ADAM22: variants seen among roughly 807,000 people sequenced by gnomAD.
ADAM22 encodes the protein disintegrin and metalloproteinase domain-containing protein 22.
Under a neutral mutation model 144.6 loss-of-function variants are expected in ADAM22, and 65 were observed. The observed-to-expected ratio is 0.45, with a 90% CI of 0.37 to 0.55. The LOEUF is 0.55. Among genes scored for constraint, ADAM22 ranks in the 20% least tolerant of loss-of-function variants. The probability of loss-of-function intolerance (pLI) is 0.00; values close to 1 mark genes in which losing one functional copy is unlikely to be tolerated. For missense variants in ADAM22, 974 were observed against 1,184.9 expected, an observed-to-expected ratio of 0.82 and a Z score of 2.61; for synonymous variants, 391 against 412.6, an observed-to-expected ratio of 0.95 and a Z score of 0.63.
At chr7:88,027,584 CT>C (rs373694240) in intron 3 of ADAM22, among the ~76,000 whole-genome samples, 144 of 151,954 alleles carry the variant, frequency 9.5e-4, no homozygotes, top group African/African-American at 3.2e-3. Flanking sequence ...ACTCTTTTCT[CT>C]TTTTTTTCCC....
At position 88,193,202 on chromosome 7, in the gene ADAM22, C is replaced by G; in HGVS notation, c.2837C>G (p.Pro946Arg). The G allele has an allele frequency of 6.2e-7, 1 of 1,614,074 alleles. No individual in the cohort carries two copies. Among genetic ancestry groups the G allele is most frequent in the Non-Finnish European group, 8.5e-7 (1 of 1,179,958 alleles). The change falls in exon 31 of 32, where the codon CCT becomes CGT. Residue 946 changes from proline (P) to arginine (R), a missense_variant. Pro to Arg is a moderately radical substitution (Grantham distance 103). This residue lies in a region of ADAM22 where 734 missense variants were observed against 950.6 expected (regional missense o/e 0.77). Transcript: ENST00000413139. ...TACCCTTACCCAATGCCTCCACTTC[C>G]TGATGAGGACAAGAAAGTGAACCGA... ...RKYPYPMPPL[P>R]DEDKKVNRQS...
At chr7:87,953,063 A>G (rs1381606935) in intron 2 of ADAM22, among the ~76,000 whole-genome samples, 2 of 150,708 alleles carry the variant, frequency 1.3e-5, no homozygotes, top group East Asian at 1.9e-4. Context: ...TGGTCTATCA[A>G]TTTTGTTGAT....
intron 7 of ADAM22, among the ~76,000 whole-genome samples, chr7:88,122,606 C>T (rs972260189): frequency 2.6e-5 from 4 of 152,122 alleles, no homozygotes; most frequent in Non-Finnish European, 1.5e-5. Flanking sequence ...TAAATCAGAT[C>T]CAGGTGTGGA....
intron 14 of ADAM22, 52 bp from the exon 15 acceptor site, chr7:88,142,974 C>T (rs1835239610): frequency 8.6e-7 from 1 of 1,158,572 alleles, no homozygotes; most frequent in Non-Finnish European, 1.3e-6. Flanking sequence ...CAGACATTCA[C>T]AAATGAGAAA....
At chr7:88,188,868 G>GT (rs1451041073) in intron 30 of ADAM22, among the ~76,000 whole-genome samples, 3 of 152,270 alleles carry the variant, frequency 2.0e-5, no homozygotes, top group Non-Finnish European at 2.9e-5. Flanking sequence ...TCACCTTATT[G>GT]TTTTTTGTAG....
At position 88,029,439 on chromosome 7, in the gene ADAM22, G is replaced by T. The variant is rs1799742252; in HGVS notation, c.324-46187G>T. On this transcript the variant is annotated intron_variant, in intron 3 of 31. Transcript: ENST00000413139. ...TATTGTACTGTCTGTATCTTGAAAA[G>T]TTATTGTAATTATTACTTTTAATCA... Among the ~76,000 whole-genome samples, 2 of 151,906 alleles carry T rather than the reference G, an allele frequency of 1.3e-5. 1 individual carries two copies. Among genetic ancestry groups the T allele is most frequent in the South Asian group, 4.2e-4 (2 of 4,808 alleles).
chr7:87,982,660 T>C (rs1406712824), intron 3 of ADAM22, among the ~76,000 whole-genome samples: 1 of 115,636 alleles, frequency 8.6e-6, no homozygotes, highest in African/African-American at 3.1e-5. Flanking sequence ...TTCATCAGAT[T>C]CAGTTATTAC....
intron 3 of ADAM22, among the ~76,000 whole-genome samples, chr7:88,014,013 TAAG>T (rs1053593117): frequency 6.6e-6 from 1 of 152,228 alleles, no homozygotes; most frequent in Non-Finnish European, 1.5e-5. Context: ...CCTCTCCTTC[TAAG>T]GAGTAACATC....
intron 30 of ADAM22, among the ~76,000 whole-genome samples, chr7:88,192,828 T>C (rs1586662808): frequency 6.6e-6 from 1 of 152,208 alleles, no homozygotes; most frequent in Non-Finnish European, 1.5e-5. Context: ...CCCTTCTGCA[T>C]TTTAGCTTTT....
intron 13 of ADAM22, among the ~76,000 whole-genome samples, chr7:88,135,580 G>T (rs1419898111): frequency 1.3e-5 from 2 of 152,118 alleles, no homozygotes; most frequent in African/African-American, 4.8e-5. Context: ...AGAAACCTTG[G>T]TGTGTGCAGA....
rs1337394073 is a variant in ADAM22 at position 88,094,004 on chromosome 7, A to G, written c.391-14172A>G. Among the ~76,000 whole-genome samples the G allele has an allele frequency of 2.6e-5, 4 of 152,330 alleles. No homozygotes were observed. The East Asian group carries it at 5.8e-4, about 22-fold the overall frequency. ...TTTACAGTGGAATAGAAAAAAAGCC[A>G]TAATTCTCAGATACTCAATGTGTGT... is the stretch of plus-strand genomic sequence containing the variant. On this transcript the variant is annotated intron_variant, in intron 4 of 31. Transcript: ENST00000413139.
chr7:88,077,262 T>C (rs539490586), intron 4 of ADAM22, among the ~76,000 whole-genome samples: 3 of 152,310 alleles, frequency 2.0e-5, no homozygotes, highest in Middle Eastern at 3.4e-3. Context: ...CTGAAGATAA[T>C]TGAGTTTTTC....
chr7:88,054,434 A>G (rs1807592837), intron 3 of ADAM22, among the ~76,000 whole-genome samples: 1 of 152,180 alleles, frequency 6.6e-6, no homozygotes, highest in African/African-American at 2.4e-5. Context: ...TCTGCCTATT[A>G]TGTGCCTGTT....
intron 26 of ADAM22, 38 bp downstream of exon 26, chr7:88,171,599 G>T: frequency 6.5e-7 from 1 of 1,539,594 alleles, no homozygotes; most frequent in Non-Finnish European, 8.7e-7. Context: ...AAACTGAAAG[G>T]TTTGACTCAT....
In ADAM22 at chr7:88,130,512, G is replaced by A. The variant is rs1831493589; in HGVS notation, c.825+53G>A. 8 of 1,509,186 alleles carry A rather than the reference G, an allele frequency of 5.3e-6. No individual in the cohort carries two copies. The Admixed American group carries it at 1.2e-4, about 23-fold the overall frequency. 93.5% of individuals were successfully genotyped at this position (1,509,186 alleles called of 1,614,324 possible). A position where few individuals can be genotyped will look rare whatever the true frequency, so the allele number is the denominator to read the frequency against. On this transcript the variant is annotated intron_variant, in intron 10 of 31. Coordinates refer to ENST00000413139, the MANE Select transcript of ADAM22 (RefSeq NM_001324418.2). Reference sequence around the variant, plus strand: ...CCTAGAAGATTCTTATTTCCTAATTGCTAATAGAATGGATAATATGATTCT... The same window carrying A: ...CCTAGAAGATTCTTATTTCCTAATTACTAATAGAATGGATAATATGATTCT...
intron 28 of ADAM22, 147 bp downstream of exon 28, chr7:88,181,752 T>TA: frequency 1.2e-6 from 1 of 823,650 alleles, no homozygotes; most frequent in South Asian, 1.8e-5. Context: ...GCCTAGTTTT[T>TA]ATCTGGATGG....
At chr7:88,131,458 TA>T in intron 11 of ADAM22, 23 bp downstream of exon 11, 1 of 1,607,610 alleles carries the variant, frequency 6.2e-7, no homozygotes, top group African/African-American at 1.3e-5. Flanking sequence ...TGTAATGATG[TA>T]TTACTTTTTT....
intron 3 of ADAM22, among the ~76,000 whole-genome samples, chr7:88,043,677 G>A (rs2129472432): frequency 6.6e-6 from 1 of 151,522 alleles, no homozygotes; most frequent in East Asian, 1.9e-4. Context: ...CTCCAACATG[G>A]GCAAGCCTGG....
chr7:87,999,300 T>C (rs540126860), intron 3 of ADAM22, among the ~76,000 whole-genome samples: 3 of 152,332 alleles, frequency 2.0e-5, no homozygotes, highest in African/African-American at 7.2e-5. Context: ...CAGTATACTA[T>C]TCACCTTATA....
Sources: allele counts gnomAD v4.1 joint callset (sites outside exome capture counted in the v4.1 genomes callset), GRCh38; gene constraint gnomAD v4.1.1; regional missense constraint gnomAD v4.1.1; transcripts MANE v1.5; gene names NCBI Gene and HGNC (gene_info 2026-07-23, HGNC 2026-07-21).